PCDH9: variants seen among roughly 807,000 people sequenced by gnomAD.
PCDH9 encodes the protein protocadherin-9.
Under a neutral mutation model 70.6 loss-of-function variants are expected in PCDH9, and 24 were observed. The ratio of observed to expected loss-of-function variants is 0.34; its 90% confidence interval spans 0.25 to 0.48. The LOEUF (loss-of-function observed/expected upper bound fraction) is 0.48. PCDH9 is among the 20% of genes least tolerant of loss of function. The probability of loss-of-function intolerance (pLI) is 0.99; values close to 1 mark genes in which losing one functional copy is unlikely to be tolerated. For synonymous variants in PCDH9, 562 were observed against 558.5 expected, an observed-to-expected ratio of 1.01 and a Z score of -0.09; for missense variants, 1,281 against 1,503.6, an observed-to-expected ratio of 0.85 and a Z score of 2.45.
At chr13:66,837,086 A>G (rs1043359024) in intron 3 of PCDH9, among the ~76,000 whole-genome samples, 10 of 152,310 alleles carry the variant, frequency 6.6e-5, no homozygotes, top group Non-Finnish European at 8.8e-5. Flanking sequence ...GTTCTCACGC[A>G]TGGATGGAAT....
chr13:66,517,293 T>C lies in PCDH9; in HGVS notation c.3340+113917A>G, dbSNP rs115847574. Reference sequence around the variant, plus strand: ...TGTAACTGACCGATTTATTAAATCATTGCAGAGCAAGAAATCCATTTATGA... The same window carrying C: ...TGTAACTGACCGATTTATTAAATCACTGCAGAGCAAGAAATCCATTTATGA... On this transcript the variant is annotated intron_variant, in intron 4 of 4. Transcript: ENST00000377865. 7.7e-3 allele frequency among the ~76,000 whole-genome samples: 1,166 copies of C among 152,284 alleles called. 11 individuals carry two copies. The highest frequency in any genetic ancestry group is 0.027 in the African/African-American group (1,129 of 41,570).
intron 3 of PCDH9, among the ~76,000 whole-genome samples, chr13:66,878,719 A>C (rs2081867166): frequency 6.6e-6 from 1 of 152,160 alleles, no homozygotes; most frequent in African/African-American, 2.4e-5. Context: ...AAATAGACAA[A>C]GTGTAAGAGA....
chr13:66,575,596 C>T (rs2076803428), intron 4 of PCDH9, among the ~76,000 whole-genome samples: 1 of 152,100 alleles, frequency 6.6e-6, no homozygotes, highest in Admixed American at 6.6e-5. Context: ...ATATGCCTTG[C>T]TTTTACCTCC....
intron 2 of PCDH9, among the ~76,000 whole-genome samples, chr13:66,968,877 A>T (rs2083471973): frequency 6.6e-6 from 1 of 151,994 alleles, no homozygotes; most frequent in African/African-American, 2.4e-5. Context: ...AAAAGAAATT[A>T]AAAATATGAA....
intron 2 of PCDH9, among the ~76,000 whole-genome samples, chr13:67,104,352 G>C (rs2086492941): frequency 6.6e-6 from 1 of 152,136 alleles, no homozygotes; most frequent in Non-Finnish European, 1.5e-5. Context: ...GACACGTGGA[G>C]CATTGCCAGG....
Position 66,403,240 on chromosome 13 carries a change from A to G in PCDH9, c.3341-98212T>C, listed in dbSNP as rs191386096. ...CTGCAACCTCAACTTTACAGGCTCA[A>G]GCAATCCTCCCACCTTAGCCTCCCG... On this transcript the variant is annotated intron_variant, in intron 4 of 4. Transcript: ENST00000377865. Among the ~76,000 whole-genome samples, 647 of 152,114 alleles carry G rather than the reference A, an allele frequency of 4.3e-3. 3 individuals carry two copies. Among genetic ancestry groups the G allele is most frequent in the Non-Finnish European group, 5.5e-3 (371 of 67,982 alleles).
chr13:66,898,940 ATGTGG>A (rs2082230387), intron 3 of PCDH9, among the ~76,000 whole-genome samples: 1 of 151,944 alleles, frequency 6.6e-6, no homozygotes, highest in South Asian at 2.1e-4. Context: ...CTTTATCTTA[ATGTGG>A]AGGGAAATTA....
rs191965609 is a variant in PCDH9, at chr13:67,146,534, T to C, written c.3036+78871A>G. ...CATTTTGATTCAGGCTTTCTGCCAT[T>C]ATTTGTGTCAATGAAAATCTTGAAA... On this transcript the variant is annotated intron_variant, in intron 2 of 4. Transcript: ENST00000377865. Among the ~76,000 whole-genome samples the C allele has an allele frequency of 2.2e-3, 337 of 152,310 alleles. 3 individuals are homozygous for C. The highest frequency in any genetic ancestry group is 0.017 in the Admixed American group (263 of 15,288).
At chr13:66,449,900 CT>C (rs1958171738) in intron 4 of PCDH9, among the ~76,000 whole-genome samples, 1 of 151,778 alleles carries the variant, frequency 6.6e-6, no homozygotes, top group South Asian at 2.1e-4. Context: ...TGTGAGAGAC[CT>C]TTTAATGCCT....
intron 4 of PCDH9, among the ~76,000 whole-genome samples, chr13:66,458,358 GAA>G (rs1348872359): frequency 6.6e-6 from 1 of 151,890 alleles, no homozygotes; most frequent in Non-Finnish European, 1.5e-5. Context: ...ATTTTCAAAA[GAA>G]TATTTTATTT....
At chr13:66,432,377 C>T (rs1041974312) in intron 4 of PCDH9, among the ~76,000 whole-genome samples, 21 of 151,984 alleles carry the variant, frequency 1.4e-4, no homozygotes, top group African/African-American at 3.6e-4. Context: ...TTAAGAAAAT[C>T]GGAGCATGAT....
intron 4 of PCDH9, among the ~76,000 whole-genome samples, chr13:66,338,241 T>C (rs1471707346): frequency 2.0e-5 from 3 of 152,104 alleles, no homozygotes; most frequent in African/African-American, 7.2e-5. Context: ...TCCTCTCTTT[T>C]CTGCCTCCCT....
intron 4 of PCDH9, among the ~76,000 whole-genome samples, chr13:66,546,308 A>G (rs1445653568): frequency 1.3e-5 from 2 of 152,122 alleles, no homozygotes; most frequent in Non-Finnish European, 2.9e-5. Flanking sequence ...ATGGGACAAG[A>G]TGTGGAGGTG....
At chr13:66,426,718 T>G (rs934373654) in intron 4 of PCDH9, among the ~76,000 whole-genome samples, 2 of 151,608 alleles carry the variant, frequency 1.3e-5, no homozygotes, top group African/African-American at 4.8e-5. Context: ...GCATTTTTAC[T>G]GTCATCTTAA....
At chr13:66,486,971 CA>C (rs1366980633) in intron 4 of PCDH9, among the ~76,000 whole-genome samples, 1 of 152,142 alleles carries the variant, frequency 6.6e-6, no homozygotes, top group Non-Finnish European at 1.5e-5. Context: ...TCTATGGAAC[CA>C]TTGATGGTGT....
intron 4 of PCDH9, among the ~76,000 whole-genome samples, chr13:66,501,455 A>C (rs562320767): frequency 3.3e-5 from 5 of 152,244 alleles, no homozygotes; most frequent in African/African-American, 1.2e-4. Context: ...GAAAGAACAG[A>C]GTAATTTTAG....
chr13:66,357,496 T>C (rs1956403587), intron 4 of PCDH9, among the ~76,000 whole-genome samples: 1 of 151,298 alleles, frequency 6.6e-6, no homozygotes. Flanking sequence ...TATCAACTAA[T>C]TTTTTTTTGT....
intron 2 of PCDH9, among the ~76,000 whole-genome samples, chr13:67,125,628 T>C (rs1286498802): frequency 1.3e-5 from 2 of 152,172 alleles, no homozygotes; most frequent in African/African-American, 2.4e-5. Context: ...GCATCCAGTC[T>C]AAGCTGCAAC....
intron 2 of PCDH9, among the ~76,000 whole-genome samples, chr13:67,128,914 G>A (rs980391057): frequency 6.6e-6 from 1 of 152,116 alleles, no homozygotes; most frequent in Non-Finnish European, 1.5e-5. Flanking sequence ...GGTCAGAAAG[G>A]GGATAGCAGT....
Sources: allele counts gnomAD v4.1 joint callset (sites outside exome capture counted in the v4.1 genomes callset), GRCh38; gene constraint gnomAD v4.1.1; transcripts MANE v1.5; gene names NCBI Gene and HGNC (gene_info 2026-07-23, HGNC 2026-07-21).